Variants in MACROD1 observed in about 807,000 individuals in gnomAD.
MACROD1 encodes mono-ADP ribosylhydrolase 1, also known as ADP-ribose glycohydrolase MACROD1.
In MACROD1, 31 loss-of-function variants were observed where a neutral mutation model predicts 41.4. The observed-to-expected ratio is 0.75, with a 90% CI of 0.56 to 1.01. The LOEUF (loss-of-function observed/expected upper bound fraction) is 1.01. MACROD1 is among the 50% of genes least tolerant of loss of function. MACROD1 has a pLI of 0.00. For missense variants in MACROD1, 473 were observed against 460.0 expected (o/e 1.03, Z -0.26); for synonymous variants, 252 against 203.4 (o/e 1.24, Z -2.03).
chr11:64,135,323 C>T (rs541166853), intron 3 of MACROD1, among the ~76,000 whole-genome samples: 1 of 152,370 alleles, frequency 6.6e-6, no homozygotes, highest in East Asian at 1.9e-4. Context: ...TCCTGGCACA[C>T]ACCTTCCCTG....
In MACROD1 at chr11:64,021,781, C is replaced by T. The variant is rs1943155550; in HGVS notation, c.518-6500G>A. On this transcript the variant is annotated intron_variant, in intron 3 of 10. Transcript: ENST00000255681. ...AGTGTGCAGCCAGCCCCACCGTGTG[C>T]CAGGCGCTGGGACACGGATGGGGCA... Among the ~76,000 whole-genome samples the T allele has an allele frequency of 2.0e-5, 3 of 152,154 alleles. No individual in the cohort carries two copies. In the South Asian group the frequency reaches 6.2e-4, roughly 32 times the overall value.
At chr11:64,114,254 A>G (rs1477017088) in intron 3 of MACROD1, among the ~76,000 whole-genome samples, 11 of 61,116 alleles carry the variant, frequency 1.8e-4, no homozygotes, top group East Asian at 4.3e-4. Flanking sequence ...ATGGATGGTT[A>G]GGTGGATGGA....
chr11:64,157,893 C>T (rs530896764), intron 1 of MACROD1, among the ~76,000 whole-genome samples: 23 of 152,242 alleles, frequency 1.5e-4, no homozygotes, highest in Admixed American at 1.0e-3. Flanking sequence ...CTGCGCTCAC[C>T]GGCCCGCAAG....
chr11:64,146,458 GC>G lies in MACROD1; in HGVS notation c.517+4780del, dbSNP rs910889659. On this transcript the variant is annotated intron_variant, in intron 3 of 10. Coordinates refer to ENST00000255681, the MANE Select transcript of MACROD1 (RefSeq NM_014067.4). This position sits in a 1 kb window ranked among gnomAD's most constrained non-coding sequence, Gnocchi z 4.7. Reference sequence around the variant, plus strand: ...CATGCTCCTGTGGGCAGGAGCCGTGGCCGACACAGATGGCAGGAACCTGAGA... The same window carrying G: ...CATGCTCCTGTGGGCAGGAGCCGTGGCGACACAGATGGCAGGAACCTGAGA... Among the ~76,000 whole-genome samples, 1 of 152,144 alleles carries G rather than the reference GC, an allele frequency of 6.6e-6. No homozygotes were observed. Among genetic ancestry groups the G allele is most frequent in the African/African-American group, 2.4e-5 (1 of 41,428 alleles).
At chr11:64,115,697 C>A (rs643243) in intron 3 of MACROD1, among the ~76,000 whole-genome samples, 80,936 of 152,034 alleles carry the variant, frequency 0.53, 24,635 homozygotes, top group Non-Finnish European at 0.68. Context: ...GGCCTTCCAG[C>A]AACAAGCTTT....
intron 3 of MACROD1, among the ~76,000 whole-genome samples, chr11:64,068,089 C>CGAAGTTGAAGTAAAATTAAG (rs1944039557): frequency 6.6e-6 from 1 of 152,150 alleles, no homozygotes; most frequent in South Asian, 2.1e-4. Context: ...CGGAGCCGGG[C>CGAAGTTGAAGTAAAATTAAG]GAAGTTGAAG....
chr11:64,070,066 C>T (rs1214674645), intron 3 of MACROD1, among the ~76,000 whole-genome samples: 2 of 152,148 alleles, frequency 1.3e-5, no homozygotes, highest in Non-Finnish European at 2.9e-5. Context: ...CTCCCTGCAG[C>T]CTCTTAATCC....
At chr11:64,004,780 T>A (rs1008630098) in intron 4 of MACROD1, among the ~76,000 whole-genome samples, 18 of 151,490 alleles carry the variant, frequency 1.2e-4, no homozygotes, top group African/African-American at 4.4e-4. Flanking sequence ...CTGGGAGGGG[T>A]GACTCATGCC....
In MACROD1 at chr11:63,998,867, C is replaced by T; in HGVS notation, c.*1G>A. On this transcript the variant is annotated 3_prime_UTR_variant, in exon 10 of 11. Coordinates refer to ENST00000255681, the MANE Select transcript of MACROD1 (RefSeq NM_014067.4). ...CCCGGTCAGGGTGGGCTGCGGGAGCCTCAGGCTGGAAGGCAGAGGACAGTG... is the reference window on the plus strand; with the variant it reads ...CCCGGTCAGGGTGGGCTGCGGGAGCTTCAGGCTGGAAGGCAGAGGACAGTG... 1 of 1,593,588 alleles carries T rather than the reference C, an allele frequency of 6.3e-7. No individual in the cohort carries two copies. Among genetic ancestry groups the T allele is most frequent in the Middle Eastern group, 2.3e-4 (1 of 4,410 alleles).
At chr11:64,068,566 G>A (rs931503059) in intron 3 of MACROD1, among the ~76,000 whole-genome samples, 9 of 152,214 alleles carry the variant, frequency 5.9e-5, no homozygotes, top group African/African-American at 7.2e-5. Flanking sequence ...ACAGAGCCCC[G>A]CATTCCCATT....
At chr11:64,116,251 G>GCC in intron 3 of MACROD1, 2 of 1,585,520 alleles carry the variant, frequency 1.3e-6, no homozygotes, top group East Asian at 4.5e-5. Flanking sequence ...GGGGCCGGAC[G>GCC]CCCCCAGCCA....
At chr11:64,018,458 G>A (rs923277372) in intron 3 of MACROD1, among the ~76,000 whole-genome samples, 6 of 152,180 alleles carry the variant, frequency 3.9e-5, no homozygotes, top group African/African-American at 1.4e-4. Context: ...CAGGGGAATG[G>A]CCCGGAGGCT....
intron 3 of MACROD1, among the ~76,000 whole-genome samples, chr11:64,049,808 T>C (rs984294862): frequency 6.6e-6 from 1 of 152,198 alleles, no homozygotes; most frequent in Non-Finnish European, 1.5e-5. Flanking sequence ...TGAAGTCGTC[T>C]CTGCAGACTC....
At chr11:64,022,614 A>C (rs1043739848) in intron 3 of MACROD1, among the ~76,000 whole-genome samples, 1 of 152,206 alleles carries the variant, frequency 6.6e-6, no homozygotes, top group African/African-American at 2.4e-5. Flanking sequence ...ATAACATGTG[A>C]AATGTGCTGG....
chr11:64,111,656 G>T (rs1283983720), intron 3 of MACROD1, among the ~76,000 whole-genome samples: 1 of 152,214 alleles, frequency 6.6e-6, no homozygotes, highest in Admixed American at 6.5e-5. Context: ...GCCTGTGAAG[G>T]GGGGTGGGTG....
chr11:64,106,268 G>A (rs948604767), intron 3 of MACROD1, among the ~76,000 whole-genome samples: 1 of 152,128 alleles, frequency 6.6e-6, no homozygotes, highest in African/African-American at 2.4e-5. Flanking sequence ...TTGGGCTGCT[G>A]TGGTGAGGGC....
chr11:64,085,225 G>A lies in MACROD1; in HGVS notation c.517+66014C>T, dbSNP rs576589235. Among the ~76,000 whole-genome samples the A allele has an allele frequency of 2.6e-5, 4 of 152,270 alleles. No homozygotes were observed. In the South Asian group the frequency reaches 6.2e-4, roughly 24 times the overall value. On this transcript the variant is annotated intron_variant, in intron 3 of 10. Coordinates refer to ENST00000255681, the MANE Select transcript of MACROD1 (RefSeq NM_014067.4). ...CAGGTGGGGAGCTGGAAGGCTTAGC[G>A]GGGCTCCTTGGAGAGCAGCGCTGTC...
chr11:64,153,889 G>T (rs1945623270), intron 1 of MACROD1, among the ~76,000 whole-genome samples: 1 of 152,048 alleles, frequency 6.6e-6, no homozygotes, highest in Non-Finnish European at 1.5e-5. Context: ...CCACCAGGCT[G>T]TCCTGCCTGC....
intron 3 of MACROD1, among the ~76,000 whole-genome samples, chr11:64,087,967 G>A (rs937315752): frequency 4.6e-5 from 7 of 152,176 alleles, no homozygotes; most frequent in African/African-American, 1.7e-4. Flanking sequence ...TCAGCTGTTC[G>A]AGGGGCCAGA....
Sources: allele counts gnomAD v4.1 joint callset (sites outside exome capture counted in the v4.1 genomes callset), GRCh38; gene constraint gnomAD v4.1.1; non-coding constraint Gnocchi (gnomAD v3.1); transcripts MANE v1.5; gene names NCBI Gene and HGNC (gene_info 2026-07-23, HGNC 2026-07-21).